The following FSTL5 variants were observed in gnomAD, a reference collection of about 807,000 sequenced individuals.
The protein encoded by FSTL5 is follistatin-related protein 5.
Under a neutral mutation model 89.1 loss-of-function variants are expected in FSTL5, and 62 were observed. The observed-to-expected ratio is 0.70, with a 90% confidence interval of 0.57 to 0.86. The LOEUF (loss-of-function observed/expected upper bound fraction) is 0.86, where lower values mean the gene tolerates loss of function less well. FSTL5 is among the 40% of genes least tolerant of loss of function. The pLI is 0.00. For synonymous variants in FSTL5, 383 were observed against 346.2 expected, an observed-to-expected ratio of 1.11 and a Z score of -1.18; for missense variants, 1,057 against 1,001.6, an observed-to-expected ratio of 1.06 and a Z score of -0.75.
intron 4 of FSTL5, among the ~76,000 whole-genome samples, chr4:161,797,872 T>C (rs2126826292): frequency 6.6e-6 from 1 of 151,810 alleles, no homozygotes; most frequent in African/African-American, 2.4e-5. Flanking sequence ...AAAATATCTT[T>C]AGCCAAAATT....
intron 3 of FSTL5, among the ~76,000 whole-genome samples, chr4:161,934,887 G>A (rs1734389578): frequency 6.6e-6 from 1 of 152,010 alleles, no homozygotes; most frequent in African/African-American, 2.4e-5. Context: ...AATCTGCAAA[G>A]AAGTTATAAT....
chr4:161,730,434 T>C (rs1579053186), intron 6 of FSTL5, among the ~76,000 whole-genome samples: 1 of 152,114 alleles, frequency 6.6e-6, no homozygotes, highest in East Asian at 1.9e-4. Flanking sequence ...TTGTTTTTTA[T>C]TTTATTTAAC....
At chr4:161,957,663 C>T (rs1159185979) in intron 3 of FSTL5, among the ~76,000 whole-genome samples, 2 of 152,028 alleles carry the variant, frequency 1.3e-5, no homozygotes, top group Non-Finnish European at 2.9e-5. Flanking sequence ...CATTAAATAT[C>T]GTATTTAAGA....
At chr4:162,010,582 G>GTC (rs1011349956) in intron 3 of FSTL5, among the ~76,000 whole-genome samples, 4 of 152,006 alleles carry the variant, frequency 2.6e-5, no homozygotes, top group African/African-American at 4.8e-5. Flanking sequence ...CCCATTAGCA[G>GTC]TCTCTCTCTC....
intron 15 of FSTL5, among the ~76,000 whole-genome samples, chr4:161,414,181 A>G (rs1731694193): frequency 6.6e-6 from 1 of 152,220 alleles, no homozygotes; most frequent in African/African-American, 2.4e-5. Flanking sequence ...TGATTAAGCT[A>G]AAAGTAATTC....
chr4:161,426,215 A>T (rs1732162946), intron 15 of FSTL5, among the ~76,000 whole-genome samples: 1 of 152,224 alleles, frequency 6.6e-6, no homozygotes, highest in African/African-American at 2.4e-5. Flanking sequence ...TTATTTAACA[A>T]TAACTGTTTG....
At position 161,633,809 on chromosome 4, in the gene FSTL5, GTTTA is replaced by G. The variant is rs56822247; in HGVS notation, c.894+22515_894+22518del. Reference sequence around the variant, plus strand: ...AATATAAAATGAGCATGAGACAACAGTTTATTTAATTCATTAATCAGAACACTAG... The same window carrying G: ...AATATAAAATGAGCATGAGACAACAGTTTAATTCATTAATCAGAACACTAG... On this transcript the variant is annotated intron_variant, in intron 7 of 15. Coordinates refer to ENST00000306100, the MANE Select transcript of FSTL5 (RefSeq NM_020116.5). Among the ~76,000 whole-genome samples, 1,279 of 152,266 alleles carry G rather than the reference GTTTA, an allele frequency of 8.4e-3. 12 individuals carry two copies. The highest frequency in any genetic ancestry group is 0.028 in the African/African-American group (1,160 of 41,562).
At chr4:161,890,544 C>T (rs1017111332) in intron 4 of FSTL5, among the ~76,000 whole-genome samples, 16 of 151,828 alleles carry the variant, frequency 1.1e-4, no homozygotes, top group African/African-American at 3.6e-4. Flanking sequence ...AAAAATTAGC[C>T]AGTCGTGGTG....
chr4:161,760,907 T>C lies in FSTL5; in HGVS notation c.607-1376A>G, dbSNP rs191585418. Among the ~76,000 whole-genome samples, 36 of 152,230 alleles carry C rather than the reference T, an allele frequency of 2.4e-4. 1 individual carries two copies. Among genetic ancestry groups the C allele is most frequent in the Admixed American group, 9.8e-4 (15 of 15,294 alleles). The stretch of plus-strand genomic sequence containing the variant: ...ACGTTTCATGATGTCTGAGTGTAGA[T>C]AGACTGAGGAGATAACTCTGAAAAT... On this transcript the variant is annotated intron_variant, in intron 5 of 15. Coordinates refer to ENST00000306100, the MANE Select transcript of FSTL5 (RefSeq NM_020116.5).
intron 6 of FSTL5, among the ~76,000 whole-genome samples, chr4:161,660,757 G>A (rs1736677932): frequency 6.6e-6 from 1 of 152,008 alleles, no homozygotes; most frequent in South Asian, 2.1e-4. Context: ...AATTCGCTAA[G>A]GATTATGGTC....
intron 4 of FSTL5, among the ~76,000 whole-genome samples, chr4:161,826,203 G>T (rs1730662638): frequency 6.6e-6 from 1 of 151,938 alleles, no homozygotes; most frequent in Admixed American, 6.6e-5. Flanking sequence ...GGCTCCTTTT[G>T]GAGTTGATTT....
At chr4:161,530,952 C>A (rs1013685800) in intron 10 of FSTL5, among the ~76,000 whole-genome samples, 2 of 152,086 alleles carry the variant, frequency 1.3e-5, no homozygotes, top group Non-Finnish European at 2.9e-5. Context: ...TAATGTGTTA[C>A]CTCTATCTAA....
intron 3 of FSTL5, among the ~76,000 whole-genome samples, chr4:161,988,584 C>A (rs1453138517): frequency 1.3e-5 from 2 of 152,030 alleles, no homozygotes; most frequent in African/African-American, 4.8e-5. Flanking sequence ...AAGATAAAAT[C>A]CTTGAATGCA....
At chr4:162,094,360 C>A (rs1229562348) in intron 2 of FSTL5, among the ~76,000 whole-genome samples, 1 of 152,024 alleles carries the variant, frequency 6.6e-6, no homozygotes, top group Non-Finnish European at 1.5e-5. Flanking sequence ...CAGCTTTGAC[C>A]TAAATTTTAG....
intron 3 of FSTL5, among the ~76,000 whole-genome samples, chr4:161,976,043 G>A (rs1401774559): frequency 2.7e-5 from 4 of 149,746 alleles, no homozygotes; most frequent in East Asian, 4.0e-4. Context: ...GCGTGAACTC[G>A]GCAGGCGGAT....
At chr4:161,453,442 T>C (rs900249077) in intron 15 of FSTL5, among the ~76,000 whole-genome samples, 5 of 152,180 alleles carry the variant, frequency 3.3e-5, no homozygotes, top group African/African-American at 9.7e-5. Context: ...GAACTTCATA[T>C]ATTTTTCAGA....
chr4:162,008,258 T>A (rs1257190171), intron 3 of FSTL5, among the ~76,000 whole-genome samples: 1 of 151,772 alleles, frequency 6.6e-6, no homozygotes, highest in Non-Finnish European at 1.5e-5. Flanking sequence ...ACATACTGTA[T>A]AAAATTAAGA....
At chr4:161,709,424 A>C (rs1235787133) in intron 6 of FSTL5, among the ~76,000 whole-genome samples, 1 of 152,160 alleles carries the variant, frequency 6.6e-6, no homozygotes, top group African/African-American at 2.4e-5. Context: ...TGAGATATTC[A>C]TTCAGAAGAG....
chr4:161,392,786 T>G (rs1028891137), intron 15 of FSTL5, among the ~76,000 whole-genome samples: 1 of 152,098 alleles, frequency 6.6e-6, no homozygotes, highest in Admixed American at 6.6e-5. Flanking sequence ...AGAGGTGGCA[T>G]AGAAGAAACA....
Sources: allele counts gnomAD v4.1 joint callset (sites outside exome capture counted in the v4.1 genomes callset), GRCh38; gene constraint gnomAD v4.1.1; transcripts MANE v1.5; gene names NCBI Gene and HGNC (gene_info 2026-07-23, HGNC 2026-07-21).